The following DOCK8 variants were observed in gnomAD, a reference collection of about 807,000 sequenced individuals.
DOCK8 encodes the protein dedicator of cytokinesis protein 8.
DOCK8 carries 141 observed loss-of-function variants against 245.6 expected under a neutral mutation model. The observed-to-expected ratio is 0.57, with a 90% CI of 0.50 to 0.66. The LOEUF (loss-of-function observed/expected upper bound fraction) is 0.66, where lower values mean the gene tolerates loss of function less well. Ranked by LOEUF, DOCK8 falls within the 30% of genes least tolerant of loss-of-function variation. The pLI is 0.00. For synonymous variants in DOCK8, 1,168 were observed against 970.2 expected (o/e 1.20, Z -3.79); for missense variants, 2,965 against 2,603.4 (o/e 1.14, Z -3.02).
chr9:228,161 G>A (rs1420361237), intron 1 of DOCK8, among the ~76,000 whole-genome samples: 1 of 152,176 alleles, frequency 6.6e-6, no homozygotes, highest in African/African-American at 2.4e-5. Context: ...GTGGTAACCA[G>A]AAGGCCCCTA....
Position 407,990 on chromosome 9 carries a change from G to A in DOCK8, c.3530+921G>A, listed in dbSNP as rs567307305. On this transcript the variant is annotated intron_variant, in intron 28 of 47. Coordinates refer to ENST00000432829, the MANE Select transcript of DOCK8 (RefSeq NM_203447.4). The stretch of plus-strand genomic sequence containing the variant: ...TGCCCACTATTCCATAACAGAGAAC[G>A]AAATCTAAAGCCATGGTCTTCCCAG... 7.2e-5 allele frequency among the ~76,000 whole-genome samples: 11 copies of A among 152,214 alleles called. No homozygotes were observed. In the Middle Eastern group the frequency reaches 0.02, roughly 282 times the overall value.
At chr9:330,206 T>C (rs1327815430) in intron 9 of DOCK8, among the ~76,000 whole-genome samples, 1 of 152,248 alleles carries the variant, frequency 6.6e-6, no homozygotes, top group African/African-American at 2.4e-5. Flanking sequence ...TGAAATTTTT[T>C]TTTAAAAAGA....
At chr9:418,003 T>G (rs10814836) in intron 29 of DOCK8, 65 bp from the exon 30 acceptor site, 2 of 1,606,678 alleles carry the variant, frequency 1.2e-6, no homozygotes, top group Non-Finnish European at 1.7e-6. Context: ...CAGTCTCTTA[T>G]TGGGTAGGGG....
At chr9:301,256 A>G (rs147205707) in intron 4 of DOCK8, among the ~76,000 whole-genome samples, 2,615 of 152,320 alleles carry the variant, frequency 0.017, 93 homozygotes, top group African/African-American at 0.06. Flanking sequence ...GATAATCTCA[A>G]TAGACACAGA....
At chr9:238,619 T>C (rs1434589495) in intron 1 of DOCK8, among the ~76,000 whole-genome samples, 2 of 152,166 alleles carry the variant, frequency 1.3e-5, no homozygotes, top group African/African-American at 2.4e-5. Flanking sequence ...AGTGTCTTTA[T>C]GTAAAACAAC....
At chr9:311,654 A>G (rs1413232964) in intron 5 of DOCK8, among the ~76,000 whole-genome samples, 2 of 152,186 alleles carry the variant, frequency 1.3e-5, no homozygotes, top group Non-Finnish European at 2.9e-5. Context: ...CCAGGAAAGA[A>G]CAAGCCAACA....
intron 26 of DOCK8, among the ~76,000 whole-genome samples, chr9:403,922 A>ATATG (rs2055258872): frequency 1.3e-5 from 1 of 79,470 alleles, no homozygotes; most frequent in African/African-American, 8.0e-5. Flanking sequence ...ATATACATAT[A>ATATG]TATATATGTG....
At chr9:214,544 C>G (rs879493055), upstream of DOCK8, 6 of 1,613,620 alleles carry the variant, frequency 3.7e-6, no homozygotes, top group Non-Finnish European at 5.1e-6. Context: ...ACCTCGCCAG[C>G]TTTGTGGGGC....
intron 14 of DOCK8, chr9:366,009 T>G: frequency 5.2e-6 from 1 of 192,932 alleles, no homozygotes; most frequent in South Asian, 9.4e-5. Flanking sequence ...GAAGTGCTGC[T>G]AAGTCAGCCA....
At position 348,204 on chromosome 9, in the gene DOCK8, C is replaced by T. The variant is rs12350385; in HGVS notation, c.1679+7883C>T. On this transcript the variant is annotated intron_variant, in intron 14 of 47. Transcript: ENST00000432829. ...TGCATCCCTTAATGTAGCTAAAGAT[C>T]GAAATCTTCTCATTTTGGGGAGAGT... 5.7e-3 allele frequency among the ~76,000 whole-genome samples: 869 copies of T among 152,252 alleles called. 10 individuals are homozygous for T. The highest frequency in any genetic ancestry group is 0.02 in the African/African-American group (828 of 41,530).
chr9:334,275 G>C lies in DOCK8; in HGVS notation c.1176G>C (p.Gln392His). Residue 392 changes from glutamine (Q) to histidine (H), a missense_variant, in exon 11 of 48, where the codon CAG becomes CAC. Gln to His is a conservative substitution (Grantham distance 24). Transcript: ENST00000432829. ...AACTCCAAGCTGAATCCTTCTGCCA[G>C]CGTTTGGGGAAATACCGGATGCCCT... ...KLKLQAESFC[Q>H]RLGKYRMPFA... 1.2e-6 allele frequency: 2 copies of C among 1,614,230 alleles called. No individual in the cohort carries two copies. Among genetic ancestry groups the C allele is most frequent in the Non-Finnish European group, 1.7e-6 (2 of 1,180,032 alleles).
At chr9:328,261 T>A (rs1042317581) in intron 9 of DOCK8, 90 bp downstream of exon 9, 5 of 1,442,308 alleles carry the variant, frequency 3.5e-6, no homozygotes, top group Non-Finnish European at 3.8e-6. Flanking sequence ...AATCTCAGAA[T>A]GTGTCCACAT....
upstream of DOCK8, among the ~76,000 whole-genome samples, chr9:211,476 A>T (rs944194079): frequency 6.6e-6 from 1 of 152,180 alleles, no homozygotes; most frequent in Non-Finnish European, 1.5e-5. Context: ...ATAGAAACAG[A>T]TGAGATAGGA....
At chr9:404,142 G>A (rs979889552) in intron 26 of DOCK8, among the ~76,000 whole-genome samples, 5 of 151,780 alleles carry the variant, frequency 3.3e-5, no homozygotes, top group African/African-American at 1.2e-4. Flanking sequence ...AGGTGCATCA[G>A]CGCCCCTTCC....
At chr9:339,353 G>C (rs996943299) in intron 13 of DOCK8, among the ~76,000 whole-genome samples, 2 of 152,168 alleles carry the variant, frequency 1.3e-5, no homozygotes, top group Non-Finnish European at 2.9e-5. Flanking sequence ...TGAGATAATT[G>C]TTTAAACAGA....
chr9:291,184 AT>A (rs2049023092), intron 4 of DOCK8, among the ~76,000 whole-genome samples: 1 of 152,186 alleles, frequency 6.6e-6, no homozygotes, highest in South Asian at 2.1e-4. Flanking sequence ...ATTTTGATAC[AT>A]TTGGTTTTCA....
chr9:299,189 C>T (rs1003754294), intron 4 of DOCK8, among the ~76,000 whole-genome samples: 10 of 151,982 alleles, frequency 6.6e-5, no homozygotes, highest in African/African-American at 2.4e-4. Flanking sequence ...TTTCTTTGAG[C>T]CCTTAGGGAG....
intron 45 of DOCK8, among the ~76,000 whole-genome samples, chr9:451,540 T>A (rs144331519): frequency 6.6e-6 from 1 of 152,134 alleles, no homozygotes; most frequent in East Asian, 1.9e-4. Flanking sequence ...GGAGGATCAC[T>A]TGAGCCTGGG....
intron 1 of DOCK8, among the ~76,000 whole-genome samples, chr9:217,811 A>T (rs2046794130): frequency 6.6e-6 from 1 of 152,196 alleles, no homozygotes; most frequent in Non-Finnish European, 1.5e-5. Flanking sequence ...CAGAAGAGGA[A>T]AAGGAATCTT....
Sources: gnomAD v4.1 joint callset for allele counts (sites outside exome capture counted in the v4.1 genomes callset) on GRCh38, gnomAD v4.1.1 for gene constraint, MANE v1.5 for transcripts, NCBI Gene and HGNC (gene_info 2026-07-23, HGNC 2026-07-21) for gene names.